The following DMD variants were observed in gnomAD, a reference collection of about 807,000 sequenced individuals.
The protein encoded by DMD is mutant dystrophin.
DMD carries 63 observed loss-of-function variants against 330.1 expected under a neutral mutation model. The ratio of observed to expected loss-of-function variants is 0.19; its 90% CI spans 0.16 to 0.24. The LOEUF (loss-of-function observed/expected upper bound fraction) is 0.24, where lower values mean the gene tolerates loss of function less well. DMD is among the 10% of genes least tolerant of loss of function. The probability of loss-of-function intolerance (pLI) is 1.00; values close to 1 mark genes in which losing one functional copy is unlikely to be tolerated. For missense variants in DMD, 3,344 were observed against 2,684.1 expected (o/e 1.25, Z -5.43); for synonymous variants, 1,223 against 959.8 (o/e 1.27, Z -5.07).
At chrX:31,901,359 T>C (rs2094419675) in intron 47 of DMD, among the ~76,000 whole-genome samples, 1 of 111,929 alleles carries the variant, frequency 8.9e-6, no homozygotes, top group African/African-American at 3.2e-5. Flanking sequence ...TCTCCACCTA[T>C]AATAATCTTT....
chrX:32,799,017 A>G (rs2076361438), intron 7 of DMD, among the ~76,000 whole-genome samples: 1 of 111,195 alleles, frequency 9.0e-6, no homozygotes, highest in Non-Finnish European at 1.9e-5. Flanking sequence ...CCAACATAAG[A>G]GGCCTTAAAA....
chrX:32,343,424 T>C (rs761002313), intron 39 of DMD, 138 bp from the exon 40 acceptor site: 1 of 577,402 alleles, frequency 1.7e-6, no homozygotes, highest in African/African-American at 2.3e-5. Flanking sequence ...ATGCAAAATA[T>C]ACAAAGACAT....
chrX:32,788,045 A>G (rs929575961), intron 7 of DMD, among the ~76,000 whole-genome samples: 1 of 111,540 alleles, frequency 9.0e-6, no homozygotes, highest in African/African-American at 3.3e-5. Context: ...AGCCTCAATA[A>G]TTTTCCAGTG....
intron 7 of DMD, among the ~76,000 whole-genome samples, chrX:32,777,107 C>T (rs917557721): frequency 1.9e-5 from 2 of 107,554 alleles, no homozygotes; most frequent in East Asian, 6.0e-4. Context: ...ACACGCTCCA[C>T]AATTATCTGA....
intron 7 of DMD, among the ~76,000 whole-genome samples, chrX:32,801,796 T>G (rs2076588014): frequency 1.8e-5 from 2 of 111,621 alleles, no homozygotes; most frequent in African/African-American, 6.5e-5. Context: ...TTTTGGCAGG[T>G]TTGTCAAAGA....
At chrX:32,932,909 G>A (rs1216131625) in intron 2 of DMD, among the ~76,000 whole-genome samples, 3 of 111,857 alleles carry the variant, frequency 2.7e-5, no homozygotes, top group Non-Finnish European at 5.6e-5. Flanking sequence ...AAAGAATTAA[G>A]TTGACTCCCA....
chrX:32,256,170 TG>T (rs2097297745), intron 43 of DMD, among the ~76,000 whole-genome samples: 1 of 111,248 alleles, frequency 9.0e-6, no homozygotes, highest in Non-Finnish European at 1.9e-5. Context: ...GCTCCTGTAT[TG>T]GGTGCATATA....
intron 27 of DMD, among the ~76,000 whole-genome samples, chrX:32,444,389 A>T (rs1242992468): frequency 9.0e-6 from 1 of 110,723 alleles, no homozygotes; most frequent in Non-Finnish European, 1.9e-5. Flanking sequence ...ATTCCAGTAA[A>T]GGCAATTCCT....
intron 53 of DMD, among the ~76,000 whole-genome samples, chrX:31,658,746 C>T (rs1021683299): frequency 8.9e-6 from 1 of 112,300 alleles, no homozygotes; most frequent in Non-Finnish European, 1.9e-5. Context: ...ACATTTTCTT[C>T]GTTGTTTGTC....
rs752675973 is a variant in DMD, at chrX:32,081,135, T to C, written c.6439-112621A>G. On this transcript the variant is annotated intron_variant, in intron 44 of 78. Transcript: ENST00000357033. ...TCCCTTACCTTGTGGGAGGTGGCGA[T>C]AGAACATTTCTCATCTGCCTTTCTG... 7.1e-5 allele frequency among the ~76,000 whole-genome samples: 8 copies of C among 112,120 alleles called. No homozygotes were observed. In the East Asian group the frequency reaches 1.1e-3, roughly 16 times the overall value.
intron 1 of DMD, among the ~76,000 whole-genome samples, chrX:33,157,747 G>A (rs1034611577): frequency 8.9e-6 from 1 of 112,219 alleles, no homozygotes; most frequent in African/African-American, 3.2e-5. Flanking sequence ...CCTGAGGTCA[G>A]GGTTGGAGAC....
intron 44 of DMD, among the ~76,000 whole-genome samples, chrX:32,146,490 T>C (rs1840795558): frequency 9.0e-6 from 1 of 111,424 alleles, no homozygotes; most frequent in South Asian, 3.8e-4. Context: ...ATGATCTTTG[T>C]CCTATTATTT....
At chrX:32,993,506 G>A (rs1336027028) in intron 2 of DMD, among the ~76,000 whole-genome samples, 2 of 109,592 alleles carry the variant, frequency 1.8e-5, no homozygotes, top group African/African-American at 3.3e-5. Flanking sequence ...GGGAGGCTGT[G>A]GCAGGAGAAT....
Position 32,182,153 on chromosome X carries a change from A to G in DMD, c.6438+34763T>C, listed in dbSNP as rs140316344. 5.4e-3 allele frequency among the ~76,000 whole-genome samples: 596 copies of G among 111,014 alleles called. 5 individuals are homozygous for G. The highest frequency in any genetic ancestry group is 0.019 in the African/African-American group (568 of 30,577). ...GTCCATTATGCTCCCTCTCTTGTTC[A>G]CCTCTCCCTCTAGCTTTTCTTCCAC... On this transcript the variant is annotated intron_variant, in intron 44 of 78. Coordinates refer to ENST00000357033, the MANE Select transcript of DMD (RefSeq NM_004006.3).
chrX:32,649,752 C>T (rs951739166), intron 9 of DMD, among the ~76,000 whole-genome samples: 3 of 110,174 alleles, frequency 2.7e-5, no homozygotes, highest in African/African-American at 6.6e-5. Flanking sequence ...ATGAAGTATA[C>T]AGCAATAGCC....
intron 1 of DMD, among the ~76,000 whole-genome samples, chrX:33,284,176 T>C (rs1054789148): frequency 3.6e-5 from 4 of 110,960 alleles, no homozygotes; most frequent in Non-Finnish European, 7.5e-5. Context: ...ATGTCTCTAG[T>C]TTGAACAACA....
chrX:32,303,894 C>A (rs2097531837), intron 42 of DMD, among the ~76,000 whole-genome samples: 1 of 110,750 alleles, frequency 9.0e-6, no homozygotes, highest in South Asian at 3.8e-4. Flanking sequence ...GAATTGGGAA[C>A]TGTGTTCAAT....
chrX:31,134,421 CTT>C lies in DMD; in HGVS notation c.10922-229_10922-228del, dbSNP rs35286502. On this transcript the variant is annotated intron_variant, in intron 76 of 78. Coordinates refer to ENST00000357033, the MANE Select transcript of DMD (RefSeq NM_004006.3). ...CCTTGGAGAAAAAAAAACTGTATAT[CTT>C]TTTTTTTTTTTTTTTTTGAGATGGA... Among the ~76,000 whole-genome samples the C allele has an allele frequency of 0.11, 8,873 of 79,438 alleles. 1,260 individuals carry two copies. Among genetic ancestry groups the C allele is most frequent in the African/African-American group, 0.38 (7,797 of 20,769 alleles). The allele number at this position is 79,438 out of a possible 115,157, so 69.0% of individuals were successfully genotyped here. A position where few individuals can be genotyped will look rare whatever the true frequency, so the allele number is the denominator to read the frequency against.
intron 16 of DMD, among the ~76,000 whole-genome samples, chrX:32,551,072 G>T (rs764878841): frequency 1.9e-4 from 21 of 111,129 alleles, no homozygotes; most frequent in African/African-American, 6.9e-4. Context: ...GGAAAAGCTG[G>T]TATCATTCCT....
Sources: allele counts gnomAD v4.1 joint callset (sites outside exome capture counted in the v4.1 genomes callset), GRCh38; gene constraint gnomAD v4.1.1; transcripts MANE v1.5; gene names NCBI Gene and HGNC (gene_info 2026-07-23, HGNC 2026-07-21).